The following CNTNAP2 variants were observed in gnomAD, a reference collection of about 807,000 sequenced individuals.
The protein encoded by CNTNAP2 is contactin associated protein 2.
Under a neutral mutation model 155.2 loss-of-function variants are expected in CNTNAP2, and 98 were observed. That is an observed-to-expected ratio of 0.63 (90% confidence interval 0.54 to 0.75). The LOEUF is 0.75. Among genes scored for constraint, CNTNAP2 ranks in the 30% least tolerant of loss-of-function variants. The probability of loss-of-function intolerance (pLI) is 0.00; values close to 1 mark genes in which losing one functional copy is unlikely to be tolerated. For synonymous variants in CNTNAP2, 651 were observed against 631.2 expected, an observed-to-expected ratio of 1.03 and a Z score of -0.47; for missense variants, 1,727 against 1,688.1, an observed-to-expected ratio of 1.02 and a Z score of -0.40.
chr7:146,772,152 A>G (rs954920693), intron 1 of CNTNAP2, among the ~76,000 whole-genome samples: 3 of 152,086 alleles, frequency 2.0e-5, no homozygotes, highest in Admixed American at 1.3e-4. Flanking sequence ...AAAGACAACA[A>G]AACAATTAAA....
At chr7:147,182,966 TAA>T (rs1417474977) in intron 8 of CNTNAP2, among the ~76,000 whole-genome samples, 1 of 152,306 alleles carries the variant, frequency 6.6e-6, no homozygotes, top group East Asian at 1.9e-4. Context: ...ATAAATGTGA[TAA>T]GAGCTAAAGA....
chr7:147,546,769 A>G (rs1403551366), intron 11 of CNTNAP2, among the ~76,000 whole-genome samples: 1 of 152,176 alleles, frequency 6.6e-6, no homozygotes, highest in Admixed American at 6.5e-5. Flanking sequence ...CCCTGAGGAA[A>G]CCTCTGAAAC....
At chr7:146,837,386 C>A (rs1258004717) in intron 2 of CNTNAP2, among the ~76,000 whole-genome samples, 1 of 152,018 alleles carries the variant, frequency 6.6e-6, no homozygotes, top group Non-Finnish European at 1.5e-5. Flanking sequence ...GTAATTCTTA[C>A]TCCTAAAATT....
At chr7:147,024,542 G>T (rs1165110492) in intron 3 of CNTNAP2, among the ~76,000 whole-genome samples, 1 of 152,158 alleles carries the variant, frequency 6.6e-6, no homozygotes, top group African/African-American at 2.4e-5. Flanking sequence ...AAATTATAAA[G>T]AAAAGAGGCT....
intron 3 of CNTNAP2, among the ~76,000 whole-genome samples, chr7:146,944,729 A>C (rs1399766601): frequency 6.6e-6 from 1 of 151,976 alleles, no homozygotes. Flanking sequence ...ATATAAAAAA[A>C]TTGCTGGACG....
At chr7:146,851,243 CCAGAGTGCTGGAATTA>C (rs1306970651) in intron 3 of CNTNAP2, among the ~76,000 whole-genome samples, 1 of 152,212 alleles carries the variant, frequency 6.6e-6, no homozygotes, top group African/African-American at 2.4e-5. Flanking sequence ...CCTCGGCCTC[CCAGAGTGCTGGAATTA>C]CAGGCATGAG....
At chr7:147,441,125 C>G (rs534671475) in intron 10 of CNTNAP2, among the ~76,000 whole-genome samples, 1 of 152,096 alleles carries the variant, frequency 6.6e-6, no homozygotes, top group East Asian at 1.9e-4. Context: ...AGGCTACTTT[C>G]TAGATTCTAT....
chr7:148,100,748 A>G (rs1223363220), intron 15 of CNTNAP2, among the ~76,000 whole-genome samples: 1 of 152,104 alleles, frequency 6.6e-6, no homozygotes, highest in African/African-American at 2.4e-5. Context: ...GGTTACTTCC[A>G]TTTTTTGCTA....
Position 146,281,664 on chromosome 7 carries a change from G to A in CNTNAP2, c.97+164691G>A, listed in dbSNP as rs569135910. On this transcript the variant is annotated intron_variant, in intron 1 of 23. Coordinates refer to ENST00000361727, the MANE Select transcript of CNTNAP2 (RefSeq NM_014141.6). The stretch of plus-strand genomic sequence containing the variant: ...ACAAAAATTAGCCAGGTGTGGTGGC[G>A]CATTCCTGTTATCCCAGCAACTCGG... Among the ~76,000 whole-genome samples the A allele has an allele frequency of 2.1e-3, 313 of 151,978 alleles. 3 individuals are homozygous for A. The highest frequency in any genetic ancestry group is 6.9e-3 in the African/African-American group (288 of 41,456).
intron 10 of CNTNAP2, among the ~76,000 whole-genome samples, chr7:147,428,028 A>G (rs1797407572): frequency 6.6e-6 from 1 of 152,210 alleles, no homozygotes; most frequent in Non-Finnish European, 1.5e-5. Flanking sequence ...AAACGTGAAA[A>G]TTTCAGTTGC....
intron 1 of CNTNAP2, among the ~76,000 whole-genome samples, chr7:146,148,322 G>A (rs1040526004): frequency 6.6e-6 from 1 of 152,028 alleles, no homozygotes; most frequent in African/African-American, 2.4e-5. Context: ...AAGTCGTCTA[G>A]CATCATTGAA....
chr7:147,668,689 C>T (rs753759459), intron 13 of CNTNAP2, among the ~76,000 whole-genome samples: 23 of 151,932 alleles, frequency 1.5e-4, no homozygotes, highest in Non-Finnish European at 2.2e-4. Context: ...TATTTTTGTA[C>T]GGCTGTTTGT....
intron 1 of CNTNAP2, among the ~76,000 whole-genome samples, chr7:146,652,056 A>G (rs1252418947): frequency 6.6e-6 from 1 of 152,156 alleles, no homozygotes; most frequent in African/African-American, 2.4e-5. Context: ...ACAATTAGAA[A>G]TAACGATAAA....
At chr7:147,578,458 C>G (rs920084614) in intron 12 of CNTNAP2, among the ~76,000 whole-genome samples, 2 of 151,988 alleles carry the variant, frequency 1.3e-5, no homozygotes, top group Admixed American at 6.6e-5. Flanking sequence ...CAGACATGAC[C>G]TTATTCACAT....
chr7:147,386,649 T>C lies in CNTNAP2; in HGVS notation c.1499-8960T>C, dbSNP rs573443809. Among the ~76,000 whole-genome samples, 6 of 152,264 alleles carry C rather than the reference T, an allele frequency of 3.9e-5. No homozygotes were observed. The East Asian group carries it at 1.2e-3, about 29-fold the overall frequency. On this transcript the variant is annotated intron_variant, in intron 9 of 23. Coordinates refer to ENST00000361727, the MANE Select transcript of CNTNAP2 (RefSeq NM_014141.6). The stretch of plus-strand genomic sequence containing the variant: ...CTGGATTTCATTGTCCATATCATTA[T>C]CAACATTTTGGTCAAAGCCATTCAA...
chr7:147,731,806 A>C (rs1410495626), intron 13 of CNTNAP2, among the ~76,000 whole-genome samples: 1 of 152,158 alleles, frequency 6.6e-6, no homozygotes, highest in Non-Finnish European at 1.5e-5. Flanking sequence ...AATGAGAGGG[A>C]GTCAAAAGGT....
intron 10 of CNTNAP2, among the ~76,000 whole-genome samples, chr7:147,466,325 A>G (rs1472186362): frequency 6.6e-6 from 1 of 152,208 alleles, no homozygotes; most frequent in Non-Finnish European, 1.5e-5. Flanking sequence ...CAGTCAAACA[A>G]TATACAATAT....
chr7:147,467,256 CT>C (rs1374694448), intron 10 of CNTNAP2, among the ~76,000 whole-genome samples: 5 of 152,246 alleles, frequency 3.3e-5, no homozygotes, highest in South Asian at 4.2e-4. Flanking sequence ...GTAAATTGTC[CT>C]ATTTTGTTAA....
At chr7:147,973,566 A>G (rs1801374342) in intron 14 of CNTNAP2, among the ~76,000 whole-genome samples, 3 of 152,158 alleles carry the variant, frequency 2.0e-5, no homozygotes, top group Admixed American at 2.0e-4. Flanking sequence ...TGGTATATTG[A>G]TAGATTAGGG....
Sources: allele counts gnomAD v4.1 joint callset (sites outside exome capture counted in the v4.1 genomes callset), GRCh38; gene constraint gnomAD v4.1.1; transcripts MANE v1.5; gene names NCBI Gene and HGNC (gene_info 2026-07-23, HGNC 2026-07-21).